OPRM1: variants seen among roughly 807,000 people sequenced by gnomAD.
OPRM1 encodes the protein opioid receptor mu 1, also known as mu-type opioid receptor.
OPRM1 carries 27 observed loss-of-function variants against 31.8 expected under a neutral mutation model. The ratio of observed to expected loss-of-function variants is 0.85; its 90% CI spans 0.63 to 1.17. The LOEUF is 1.17. Among genes scored for constraint, OPRM1 ranks in the 50% most tolerant of loss-of-function variants. The pLI is 0.00. For synonymous variants in OPRM1, 196 were observed against 189.9 expected, an observed-to-expected ratio of 1.03 and a Z score of -0.26; for missense variants, 536 against 511.1, an observed-to-expected ratio of 1.05 and a Z score of -0.47.
intron 1 of OPRM1, among the ~76,000 whole-genome samples, chr6:154,060,144 C>A (rs1230102925): frequency 2.0e-5 from 3 of 152,032 alleles, no homozygotes; most frequent in Non-Finnish European, 4.4e-5. Flanking sequence ...ATAAAAGGTA[C>A]AACTTTACTC....
chr6:154,079,628 A>C (rs1788648877), intron 1 of OPRM1, among the ~76,000 whole-genome samples: 1 of 152,248 alleles, frequency 6.6e-6, no homozygotes, highest in East Asian at 1.9e-4. Flanking sequence ...AAAATCATTT[A>C]GAAATATAAA....
Position 154,214,256 on chromosome 6 carries a change from G to A in OPRM1, c.1165-32437G>A, listed in dbSNP as rs368673715. 258 of 1,610,438 alleles carry A rather than the reference G, an allele frequency of 1.6e-4. No homozygotes were observed. Among genetic ancestry groups the A allele is most frequent in the Non-Finnish European group, 2.0e-4 (235 of 1,176,842 alleles). Reference sequence around the variant, plus strand: ...AGTGGATTCCTGATGGATTACAGCCGATCCAAGTTTATTTAACCACCTAAA... The same window carrying A: ...AGTGGATTCCTGATGGATTACAGCCAATCCAAGTTTATTTAACCACCTAAA... On this transcript the variant is annotated intron_variant, in intron 3 of 3. Coordinates refer to the OPRM1 transcript ENST00000337049.
chr6:154,101,085 A>C (rs577580860), intron 3 of OPRM1, among the ~76,000 whole-genome samples: 83 of 152,052 alleles, frequency 5.5e-4, no homozygotes, highest in African/African-American at 1.9e-3. Flanking sequence ...ATATTAAGAA[A>C]TAAGAATAAC....
In OPRM1 at chr6:154,124,408, C is replaced by A. The variant is rs780613857; in HGVS notation, c.*5687C>A. ...TCCTGTTACCTTGTACTGAGAACTTCATTAAAACCTGCACTTGAAATTGCA... is the reference window on the plus strand; with the variant it reads ...TCCTGTTACCTTGTACTGAGAACTTAATTAAAACCTGCACTTGAAATTGCA... On this transcript the variant is annotated 3_prime_UTR_variant, in exon 4 of 4. Transcript: ENST00000330432. Among the ~76,000 whole-genome samples, 22 of 152,150 alleles carry A rather than the reference C, an allele frequency of 1.4e-4. No homozygotes were observed. The highest frequency in any genetic ancestry group is 2.6e-4 in the Non-Finnish European group (18 of 68,032).
At chr6:154,141,362 T>C (rs569159349) in intron 3 of OPRM1, among the ~76,000 whole-genome samples, 10 of 152,168 alleles carry the variant, frequency 6.6e-5, no homozygotes, top group Non-Finnish European at 1.3e-4. Flanking sequence ...AAAACTCCAG[T>C]CTTTTCCATT....
intron 1 of OPRM1, among the ~76,000 whole-genome samples, chr6:154,040,873 A>G (rs557608118): frequency 4.9e-4 from 74 of 152,328 alleles, no homozygotes; most frequent in Non-Finnish European, 8.8e-4. Context: ...GTTGATGTGT[A>G]TATTCAAATA....
Position 154,124,269 on chromosome 6 carries a change from A to G in OPRM1, c.*5548A>G, listed in dbSNP as rs1797462440. On this transcript the variant is annotated 3_prime_UTR_variant, in exon 4 of 4. Coordinates refer to ENST00000330432, the MANE Select transcript of OPRM1 (RefSeq NM_000914.5). ...AAGCATCTTCTGACTCAAATATATG[A>G]AAAGATTATTCTAGACCTTAGGCAG... Among the ~76,000 whole-genome samples, 1 of 152,230 alleles carries G rather than the reference A, an allele frequency of 6.6e-6. No individual in the cohort carries two copies. Among genetic ancestry groups the G allele is most frequent in the Non-Finnish European group, 1.5e-5 (1 of 68,038 alleles).
intron 1 of OPRM1, among the ~76,000 whole-genome samples, chr6:154,045,144 T>C (rs138131199): frequency 0.017 from 2,531 of 152,100 alleles, 69 homozygotes; most frequent in African/African-American, 0.055. Flanking sequence ...AAGAATTTCT[T>C]GTACCCAGAG....
At chr6:154,099,284 AAAGGAAGGAAGGAAGGAAGGAAGAAAGG>A (rs1467504298) in intron 3 of OPRM1, among the ~76,000 whole-genome samples, 5 of 45,114 alleles carry the variant, frequency 1.1e-4, no homozygotes, top group East Asian at 6.1e-4. Context: ...GAGTCTGTCG[AAAGGAAGGAAGGAAGGAAGGAAGAAAGG>A]AAGGAAGGAA....
chr6:154,091,309 A>C lies in OPRM1; in HGVS notation c.1001A>C (p.Asn334Thr), dbSNP rs949954608. Residue 334 changes from asparagine (N) to threonine (T), a missense_variant, in exon 3 of 4, where the codon AAC becomes ACC. Transcript: ENST00000330432. ...IALGYTNSCLNPVLYAFLDEN... is the reference protein window; with the variant it reads ...IALGYTNSCLTPVLYAFLDEN... ...CTAGGTTACACAAACAGCTGCCTCA[A>C]CCCAGTCCTTTATGCATTTCTGGAT... 1 of 1,614,034 alleles carries C rather than the reference A, an allele frequency of 6.2e-7. No homozygotes were observed. The highest frequency in any genetic ancestry group is 1.3e-5 in the African/African-American group (1 of 74,898).
intron 3 of OPRM1, among the ~76,000 whole-genome samples, chr6:154,224,767 T>C (rs1171727307): frequency 6.6e-6 from 1 of 152,156 alleles, no homozygotes; most frequent in East Asian, 1.9e-4. Context: ...ATGGGCACTC[T>C]CTTCTTTAAA....
At chr6:154,144,251 A>G (rs1798301396) in intron 3 of OPRM1, among the ~76,000 whole-genome samples, 2 of 152,236 alleles carry the variant, frequency 1.3e-5, no homozygotes, top group Non-Finnish European at 2.9e-5. Context: ...TTAAAGAAGA[A>G]TTTACATCAA....
At chr6:154,243,519 G>A (rs1366821251) in intron 3 of OPRM1, among the ~76,000 whole-genome samples, 2 of 152,164 alleles carry the variant, frequency 1.3e-5, no homozygotes, top group Non-Finnish European at 2.9e-5. Context: ...ACAGAAGAGA[G>A]GTGAGGCTGG....
chr6:154,091,575 G>A (rs1792238452), intron 3 of OPRM1, 103 bp downstream of exon 3: 1 of 1,457,462 alleles, frequency 6.9e-7, no homozygotes, highest in African/African-American at 1.4e-5. Flanking sequence ...GATGAGAATG[G>A]AGGGAAGAGG....
In OPRM1 at chr6:154,121,307, A is replaced by G. The variant is rs1414865012; in HGVS notation, c.*2586A>G. The stretch of plus-strand genomic sequence containing the variant: ...TAGTGGTTTTTCTCCTTCAGTCTCC[A>G]CTGTTATTTTGCTCCTTCATCCCTC... On this transcript the variant is annotated 3_prime_UTR_variant, in exon 4 of 4. Transcript: ENST00000330432. Among the ~76,000 whole-genome samples, 4 of 152,114 alleles carry G rather than the reference A, an allele frequency of 2.6e-5. No homozygotes were observed. The highest frequency in any genetic ancestry group is 5.9e-5 in the Non-Finnish European group (4 of 68,004).
At chr6:154,232,461 G>A (rs1189768085) in intron 3 of OPRM1, among the ~76,000 whole-genome samples, 1 of 151,946 alleles carries the variant, frequency 6.6e-6, no homozygotes, top group Non-Finnish European at 1.5e-5. Context: ...CCCATGCCAA[G>A]TGCCAGACCT....
At chr6:154,032,140 A>C (rs1779043211) in intron 1 of OPRM1, among the ~76,000 whole-genome samples, 1 of 152,210 alleles carries the variant, frequency 6.6e-6, no homozygotes, top group African/African-American at 2.4e-5. Flanking sequence ...TGATACCAAA[A>C]GGTAGAGTCA....
rs147026898 is a variant in OPRM1 at position 154,020,629 on chromosome 6, G to T, written c.-1+9611G>T. Among the ~76,000 whole-genome samples the T allele has an allele frequency of 5.7e-3, 862 of 152,182 alleles. 6 individuals are homozygous for T. Among genetic ancestry groups the T allele is most frequent in the African/African-American group, 0.02 (820 of 41,510 alleles). Reference sequence around the variant, plus strand: ...GGATTTTGTCTTTCGGATTATGATCGGCACTGTGAACAGCTCTACCATCAC... The same window carrying T: ...GGATTTTGTCTTTCGGATTATGATCTGCACTGTGAACAGCTCTACCATCAC... On this transcript the variant is annotated intron_variant, in intron 1 of 5. Transcript: ENST00000434900.
chr6:154,194,089 G>A (rs932966478), intron 3 of OPRM1, among the ~76,000 whole-genome samples: 7 of 152,096 alleles, frequency 4.6e-5, no homozygotes, highest in Non-Finnish European at 7.4e-5. Context: ...GTTAATACCC[G>A]CTCCTCAACG....
Sources: allele counts gnomAD v4.1 joint callset (sites outside exome capture counted in the v4.1 genomes callset), GRCh38; gene constraint gnomAD v4.1.1; transcripts MANE v1.5; gene names NCBI Gene and HGNC (gene_info 2026-07-23, HGNC 2026-07-21).